The following MPDU1 variants were observed in gnomAD, a reference collection of about 807,000 sequenced individuals.
MPDU1 encodes the protein mannose-P-dolichol utilization defect 1.
MPDU1 carries 18 observed loss-of-function variants against 27.6 expected under a neutral mutation model. The observed-to-expected ratio is 0.65, with a 90% confidence interval of 0.45 to 0.97. The LOEUF is 0.97. Ranked by LOEUF, MPDU1 falls within the 50% of genes least tolerant of loss-of-function variation. The pLI, the probability that MPDU1 is intolerant of heterozygous loss-of-function variation, is 0.00. For missense variants in MPDU1, 279 were observed against 297.4 expected (o/e 0.94, Z 0.46); for synonymous variants, 142 against 131.1 (o/e 1.08, Z -0.57).
At position 7,585,971 on chromosome 17, in the gene MPDU1, C is replaced by T. The variant is rs2150935200; in HGVS notation, c.195C>T (p.Ile65=). ...LLVKLPQVFK[I]LGAKSAEGLS... is the part of the protein sequence containing the mutation. ...TAAAGCTGCCCCAGGTGTTTAAAATCCTGGGAGCCAAGAGTGCTGAAGGGT... is the reference window on the plus strand; with the variant it reads ...TAAAGCTGCCCCAGGTGTTTAAAATTCTGGGAGCCAAGAGTGCTGAAGGGT... The change falls in exon 3 of 7, where the codon ATC becomes ATT. Residue 65 remains isoleucine, a synonymous_variant. Transcript: ENST00000250124. 6.2e-7 allele frequency: 1 copy of T among 1,614,152 alleles called. No homozygotes were observed. Among genetic ancestry groups the T allele is most frequent in the African/African-American group, 1.3e-5 (1 of 75,028 alleles).
chr17:7,583,914 T>C lies in MPDU1; in HGVS notation c.52T>C (p.Leu18=), dbSNP rs763453965. 6.8e-6 allele frequency: 11 copies of C among 1,614,092 alleles called. No individual in the cohort carries two copies. The highest frequency in any genetic ancestry group is 1.7e-5 in the Admixed American group (1 of 60,016). The change falls in exon 1 of 7, where the codon TTA becomes CTA. Residue 18 remains leucine, a synonymous_variant. Transcript: ENST00000250124. The part of the protein sequence containing the change: ...PLKRLLVPIL[L]PEKCYDQLFV... The stretch of plus-strand genomic sequence containing the variant: ...TAAACGGCTGCTCGTGCCGATTCTT[T>C]TACCTGAGAAATGCTACGACCAACT...
rs759962335 is a variant in MPDU1, at chr17:7,586,935, T to C, written c.425T>C (p.Leu142Pro). ...CTCGCTTGCTACGGCCTGGTCCTGCTGGTGCTTCTCTCACCTCTGACGCCC... is the reference window on the plus strand; with the variant it reads ...CTCGCTTGCTACGGCCTGGTCCTGCCGGTGCTTCTCTCACCTCTGACGCCC... Reference protein sequence around the residue: ...AFLACYGLVLLVLLSPLTPLT... With the variant: ...AFLACYGLVLPVLLSPLTPLT... Residue 142 changes from leucine to proline, a missense_variant, in exon 5 of 7, where the codon CTG becomes CCG. Transcript: ENST00000250124. 6.2e-7 allele frequency: 1 copy of C among 1,613,918 alleles called. No individual in the cohort carries two copies. Among genetic ancestry groups the C allele is most frequent in the Non-Finnish European group, 8.5e-7 (1 of 1,180,010 alleles).
chr17:7,586,747 G>A lies in MPDU1; in HGVS notation c.358G>A (p.Val120Ile). 6.2e-7 allele frequency: 1 copy of A among 1,614,088 alleles called. No homozygotes were observed. Among genetic ancestry groups the A allele is most frequent in the Non-Finnish European group, 8.5e-7 (1 of 1,180,026 alleles). The change falls in exon 4 of 7, where the codon GTC (valine) becomes ATC (isoleucine). Residue 120 changes from valine to isoleucine, a missense_variant. Transcript: ENST00000250124. ...CCAGACGATCACCATCTGCTTCCTG[G>A]TCATGCACTACAGAGGACAGACTGT... Reference protein sequence around the residue: ...MLQTITICFLVMHYRGQTVKG... With the variant: ...MLQTITICFLIMHYRGQTVKG...
chr17:7,586,795 A>C lies in MPDU1; in HGVS notation c.388+18A>C, dbSNP rs1211378898. On this transcript the variant is annotated intron_variant, in intron 4 of 6. Transcript: ENST00000250124. ...TGTGAAAGGTGCTGGGGACTTACCC[A>C]AGAGCAGGCTGTGTGGTTCCTGGGA... 6.2e-7 allele frequency: 1 copy of C among 1,613,480 alleles called. No homozygotes were observed. Among genetic ancestry groups the C allele is most frequent in the Non-Finnish European group, 8.5e-7 (1 of 1,179,526 alleles).
At chr17:7,586,266 C>G (rs1296231660) in intron 3 of MPDU1, 188 bp downstream of exon 3, 1 of 662,896 alleles carries the variant, frequency 1.5e-6, no homozygotes. Flanking sequence ...ATGGTGAAAC[C>G]CCGTCTCTAC....
At position 7,587,420 on chromosome 17, in the gene MPDU1, A is replaced by C; in HGVS notation, c.619-6A>C. ...GGGTAACCCTGGCTCTGTCTCTTGC[A>C]ACCAGGAAACCGGAGATCCCCTGAT... On this transcript the variant is annotated splice_polypyrimidine_tract_variant and splice_region_variant and intron_variant, in intron 6 of 6. Transcript: ENST00000250124. 1 of 1,613,996 alleles carries C rather than the reference A, an allele frequency of 6.2e-7. No individual in the cohort carries two copies. The highest frequency in any genetic ancestry group is 8.5e-7 in the Non-Finnish European group (1 of 1,179,998).
chr17:7,585,644 G>A, intron 1 of MPDU1, 88 bp from the exon 2 acceptor site: 1 of 1,319,436 alleles, frequency 7.6e-7, no homozygotes, highest in Non-Finnish European at 1.1e-6. Flanking sequence ...GTGTGGGTAA[G>A]GGGGCTCGGG....
Position 7,587,606 on chromosome 17 carries a change from C to G in MPDU1, c.*55C>G. On this transcript the variant is annotated 3_prime_UTR_variant, in exon 7 of 7. Transcript: ENST00000250124. ...CTCATTCACCCAACCTCAGGGTTCT[C>G]CCCATCTGAGCCAGCCTGCTGGTGT... is the stretch of plus-strand genomic sequence containing the variant. 4 of 1,611,358 alleles carry G rather than the reference C, an allele frequency of 2.5e-6. No individual in the cohort carries two copies. The highest frequency in any genetic ancestry group is 3.4e-6 in the Non-Finnish European group (4 of 1,178,442).
At chr17:7,587,067 G>T (rs1440786395) in intron 5 of MPDU1, 50 bp downstream of exon 5, 16 of 1,041,360 alleles carry the variant, frequency 1.5e-5, no homozygotes, top group African/African-American at 9.5e-5. Context: ...GGGTGGGGGG[G>T]AAGAGTAGAA....
Position 7,587,929 on chromosome 17 carries a change from CTG to C in MPDU1, c.*379_*380del, listed in dbSNP as rs1298133108. The C allele has an allele frequency of 4.1e-6, 2 of 482,360 alleles. No homozygotes were observed. The highest frequency in any genetic ancestry group is 8.1e-6 in the Non-Finnish European group (2 of 246,208). 29.9% of individuals were successfully genotyped at this position (482,360 alleles called of 1,614,324 possible). ...CTGCTTCCCTTCTGGCCCTGGAAGA[CTG>C]AGTCTGGACGGCAGAGTGGAGGGAC... is the stretch of plus-strand genomic sequence containing the variant. On this transcript the variant is annotated 3_prime_UTR_variant, in exon 7 of 7. Coordinates refer to ENST00000250124, the MANE Select transcript of MPDU1 (RefSeq NM_004870.4).
At chr17:7,586,380 A>G (rs2071582562) in intron 3 of MPDU1, 1 of 502,564 alleles carries the variant, frequency 2.0e-6, no homozygotes, top group Admixed American at 3.2e-5. Context: ...CAGAGGTTGC[A>G]GTGAGCCAAG....
At position 7,586,047 on chromosome 17, in the gene MPDU1, G is replaced by C; in HGVS notation, c.271G>C (p.Val91Leu). ...LELVALTGTMVYSITNNFPFS... is the reference protein window; with the variant it reads ...LELVALTGTMLYSITNNFPFS... ...GCTAGTGGCATTGACTGGGACCATG[G>C]TCTACAGCATCACTAACAACTTCCC... Residue 91 changes from valine to leucine, a missense_variant, in exon 3 of 7, where the codon GTC (valine) becomes CTC (leucine). Transcript: ENST00000250124. The C allele has an allele frequency of 6.2e-7, 1 of 1,613,932 alleles. No homozygotes were observed. The highest frequency in any genetic ancestry group is 8.5e-7 in the Non-Finnish European group (1 of 1,180,026).
intron 2 of MPDU1, 29 bp downstream of exon 2, chr17:7,585,826 T>C (rs1303511761): frequency 1.2e-6 from 2 of 1,612,920 alleles, no homozygotes; most frequent in Admixed American, 1.7e-5. Context: ...TTTCCAGCTG[T>C]TGGGTTGGGG....
chr17:7,584,887 G>T (rs2071555351), intron 1 of MPDU1, among the ~76,000 whole-genome samples: 1 of 152,192 alleles, frequency 6.6e-6, no homozygotes, highest in African/African-American at 2.4e-5. Context: ...CAGCTACTCG[G>T]GAGGCTGAGG....
At position 7,587,583 on chromosome 17, in the gene MPDU1, C is replaced by A. The variant is rs780535701; in HGVS notation, c.*32C>A. 1 of 1,613,312 alleles carries A rather than the reference C, an allele frequency of 6.2e-7. No homozygotes were observed. Among genetic ancestry groups the A allele is most frequent in the South Asian group, 1.1e-5 (1 of 90,910 alleles). ...CTACTGGAGTCATTCCGTTTCCACT[C>A]ATTCACCCAACCTCAGGGTTCTCCC... On this transcript the variant is annotated 3_prime_UTR_variant, in exon 7 of 7. Transcript: ENST00000250124.
In MPDU1 at chr17:7,586,944, T is replaced by C; in HGVS notation, c.434T>C (p.Leu145Pro). Residue 145 changes from leucine to proline, a missense_variant, in exon 5 of 7, where the codon CTC (leucine) becomes CCC (proline). Physicochemically the swap from Leu to Pro is moderately conservative, Grantham distance 98. Coordinates refer to ENST00000250124, the MANE Select transcript of MPDU1 (RefSeq NM_004870.4). ...ACYGLVLLVLLSPLTPLTVVT... is the reference protein window; with the variant it reads ...ACYGLVLLVLPSPLTPLTVVT... ...TACGGCCTGGTCCTGCTGGTGCTTC[T>C]CTCACCTCTGACGCCCTTGACTGTA... is the stretch of plus-strand genomic sequence containing the variant. 6.2e-7 allele frequency: 1 copy of C among 1,613,722 alleles called. No individual in the cohort carries two copies. Among genetic ancestry groups the C allele is most frequent in the Non-Finnish European group, 8.5e-7 (1 of 1,179,990 alleles).
At chr17:7,585,228 A>G (rs1391448155) in intron 1 of MPDU1, among the ~76,000 whole-genome samples, 1 of 152,006 alleles carries the variant, frequency 6.6e-6, no homozygotes, top group Non-Finnish European at 1.5e-5. Flanking sequence ...ATCGGAGAAA[A>G]GCTGTTTTGG....
At chr17:7,587,354 A>G in intron 6 of MPDU1, 72 bp from the exon 7 acceptor site, 2 of 1,613,348 alleles carry the variant, frequency 1.2e-6, no homozygotes, top group Non-Finnish European at 1.7e-6. Flanking sequence ...CCCCGTGAGG[A>G]ACCTTTGTCC....
In MPDU1 at chr17:7,585,794, C is replaced by G; in HGVS notation, c.166C>G (p.Leu56Val). Residue 56 changes from leucine (L) to valine (V), a missense_variant, in exon 2 of 7, where the codon CTA becomes GTA. Coordinates refer to ENST00000250124, the MANE Select transcript of MPDU1 (RefSeq NM_004870.4). ...LGLGIVAGSL[L>V]VKLPQVFKIL... Reference sequence around the variant, plus strand: ...GCTGGGCATTGTGGCTGGCTCACTTCTAGGTATGTCTCTTATCTTTCTTTC... The same window carrying G: ...GCTGGGCATTGTGGCTGGCTCACTTGTAGGTATGTCTCTTATCTTTCTTTC... 1 of 1,614,118 alleles carries G rather than the reference C, an allele frequency of 6.2e-7. No homozygotes were observed. The highest frequency in any genetic ancestry group is 8.5e-7 in the Non-Finnish European group (1 of 1,179,984).
Sources: gnomAD v4.1 joint callset for allele counts (sites outside exome capture counted in the v4.1 genomes callset) on GRCh38, gnomAD v4.1.1 for gene constraint, MANE v1.5 for transcripts, NCBI Gene and HGNC (gene_info 2026-07-23, HGNC 2026-07-21) for gene names.